The following LMO7 variants were observed in gnomAD, a reference collection of about 807,000 sequenced individuals.
LMO7 encodes the protein LIM domain 7.
In LMO7, 120 loss-of-function variants were observed where a neutral mutation model predicts 206.5. The observed-to-expected ratio is 0.58, with a 90% confidence interval of 0.50 to 0.68. LMO7 has a LOEUF of 0.68. LMO7 is among the 30% of genes least tolerant of loss of function. The pLI, the probability that LMO7 is intolerant of heterozygous loss-of-function variation, is 0.00. For missense variants in LMO7, 1,959 were observed against 1,957.9 expected, an observed-to-expected ratio of 1.00 and a Z score of -0.01; for synonymous variants, 706 against 681.5, an observed-to-expected ratio of 1.04 and a Z score of -0.56.
intron 1 of LMO7, among the ~76,000 whole-genome samples, chr13:75,641,821 AT>A (rs1336821392): frequency 1.0e-4 from 15 of 144,308 alleles, no homozygotes; most frequent in Non-Finnish European, 2.3e-4. Flanking sequence ...TAACTTTTGT[AT>A]TTCTTTTTTT....
chr13:75,620,805 T>C (rs868185341), exon 1 of LMO7: 1 of 152,192 alleles, frequency 6.6e-6, no homozygotes, highest in Non-Finnish European at 1.5e-5. Context: ...GGCTGCGTTA[T>C]GAAAATTGCT....
At chr13:75,620,740 AT>A in exon 1 of LMO7, 1 of 152,266 alleles carries the variant, frequency 6.6e-6, no homozygotes, top group East Asian at 1.9e-4. Flanking sequence ...AAGAAAAATA[AT>A]TTTCCAAATA....
intron 4 of LMO7, among the ~76,000 whole-genome samples, chr13:75,762,360 A>G (rs1355156083): frequency 6.6e-6 from 1 of 152,188 alleles, no homozygotes; most frequent in East Asian, 1.9e-4. Context: ...ATTTTTCCTT[A>G]TCAACATATT....
intron 1 of LMO7, among the ~76,000 whole-genome samples, chr13:75,696,707 T>C (rs1208906892): frequency 6.6e-6 from 1 of 152,138 alleles, no homozygotes; most frequent in Non-Finnish European, 1.5e-5. Flanking sequence ...TTCTACACAC[T>C]GAACCCTGAG....
chr13:75,816,090 C>G, intron 11 of LMO7, among the ~76,000 whole-genome samples: 1 of 152,122 alleles, frequency 6.6e-6, no homozygotes, highest in East Asian at 1.9e-4. Context: ...AGTCAAAGGA[C>G]GGACTGGTTC....
rs2054618489 is a variant in LMO7, at chr13:75,800,671, A to G, written c.463-13A>G. 1 of 1,611,922 alleles carries G rather than the reference A, an allele frequency of 6.2e-7. No homozygotes were observed. Among genetic ancestry groups the G allele is most frequent in the Non-Finnish European group, 8.5e-7 (1 of 1,178,602 alleles). Reference sequence around the variant, plus strand: ...TATTTAACTTACTATTCTTTAAAAAACGTTTTCTTTAGGCACTCGAAGACT... The same window carrying G: ...TATTTAACTTACTATTCTTTAAAAAGCGTTTTCTTTAGGCACTCGAAGACT... On this transcript the variant is annotated splice_polypyrimidine_tract_variant and intron_variant, in intron 6 of 30. Coordinates refer to ENST00000377534, the MANE Select transcript of LMO7 (RefSeq NM_001306080.2).
chr13:75,754,254 A>G (rs2047498439), intron 3 of LMO7, among the ~76,000 whole-genome samples: 3 of 152,192 alleles, frequency 2.0e-5, no homozygotes, highest in Admixed American at 6.5e-5. Flanking sequence ...TCCATTCTGG[A>G]TATTTTATAC....
intron 4 of LMO7, among the ~76,000 whole-genome samples, chr13:75,770,043 G>T (rs1175456221): frequency 3.3e-5 from 5 of 151,894 alleles, no homozygotes; most frequent in African/African-American, 9.7e-5. Flanking sequence ...TATAATAGGG[G>T]TATATTCACT....
chr13:75,656,015 G>A (rs866175593), intron 1 of LMO7, among the ~76,000 whole-genome samples: 16 of 152,202 alleles, frequency 1.1e-4, no homozygotes, highest in African/African-American at 3.9e-4. Context: ...CTGCTCCTAG[G>A]TTCCTTTGTT....
At position 75,793,514 on chromosome 13, in the gene LMO7, G is replaced by T. The variant is rs896169863; in HGVS notation, c.318-1887G>T. The stretch of plus-strand genomic sequence containing the variant: ...TGGTCTTGAACTCCTGACCTTAGGG[G>T]ATGCACCCTCCTCAGCCTCCCAAAG... On this transcript the variant is annotated intron_variant, in intron 4 of 30. Transcript: ENST00000377534. Among the ~76,000 whole-genome samples, 3 of 152,204 alleles carry T rather than the reference G, an allele frequency of 2.0e-5. No homozygotes were observed. In the South Asian group the frequency reaches 6.2e-4, roughly 32 times the overall value.
chr13:75,841,961 GT>G lies in LMO7; in HGVS notation c.4010del (p.Val1337AlafsTer53). On this transcript the variant is annotated frameshift_variant, in exon 24 of 31. Coordinates refer to ENST00000377534, the MANE Select transcript of LMO7 (RefSeq NM_001306080.2). LOFTEE classifies it high-confidence loss of function. ...GGCAGAGATAGAGCGGGAAACATCA[GT>G]CAGAATATACCAGTACAGGAGGTAT... ...RQAEIERETSVRIYQYRRPVD... is the reference protein window; with the variant it reads ...RQAEIERETSXRIYQYRRPVD... The G allele has an allele frequency of 6.2e-7, 1 of 1,611,868 alleles. No individual in the cohort carries two copies. Among genetic ancestry groups the G allele is most frequent in the Non-Finnish European group, 8.5e-7 (1 of 1,179,676 alleles).
chr13:75,657,007 G>T (rs2038119314), intron 1 of LMO7, among the ~76,000 whole-genome samples: 2 of 152,328 alleles, frequency 1.3e-5, no homozygotes, highest in South Asian at 4.1e-4. Flanking sequence ...GAGATTGTTA[G>T]GGTCGGCCAA....
intron 1 of LMO7, among the ~76,000 whole-genome samples, chr13:75,664,111 G>A (rs1019202655): frequency 9.9e-5 from 15 of 151,614 alleles, no homozygotes; most frequent in African/African-American, 2.2e-4. Context: ...ACCATTAACC[G>A]TCCCCACTTC....
intron 1 of LMO7, among the ~76,000 whole-genome samples, chr13:75,702,378 T>C (rs2042342245): frequency 6.6e-6 from 1 of 152,194 alleles, no homozygotes; most frequent in African/African-American, 2.4e-5. Context: ...GAGAAATGTT[T>C]AGACTTTTGA....
chr13:75,703,316 A>G (rs1045061101), intron 1 of LMO7, among the ~76,000 whole-genome samples: 5 of 152,222 alleles, frequency 3.3e-5, no homozygotes, highest in Admixed American at 1.3e-4. Flanking sequence ...GAAGTTGGGT[A>G]AGAGCCTCCT....
chr13:75,730,616 GTC>G (rs1403436639), intron 3 of LMO7, among the ~76,000 whole-genome samples: 1 of 146,640 alleles, frequency 6.8e-6, no homozygotes, highest in Non-Finnish European at 1.5e-5. Flanking sequence ...GGTTTTTTGT[GTC>G]TCTATTTCCT....
intron 1 of LMO7, among the ~76,000 whole-genome samples, chr13:75,689,990 C>T (rs2041328275): frequency 6.6e-6 from 1 of 152,072 alleles, no homozygotes; most frequent in South Asian, 2.1e-4. Flanking sequence ...ACTTATTCCT[C>T]TCACTTTGGC....
chr13:75,690,477 G>A (rs1024342131), intron 1 of LMO7, among the ~76,000 whole-genome samples: 2 of 152,142 alleles, frequency 1.3e-5, no homozygotes, highest in Non-Finnish European at 2.9e-5. Flanking sequence ...ATCTGTCTGA[G>A]TACTAGGTTT....
At chr13:75,762,231 A>C (rs534266271) in intron 4 of LMO7, among the ~76,000 whole-genome samples, 3 of 152,218 alleles carry the variant, frequency 2.0e-5, no homozygotes. Context: ...ATTTCTGACT[A>C]ATCGAAAGAT....
Sources: allele counts gnomAD v4.1 joint callset (sites outside exome capture counted in the v4.1 genomes callset), GRCh38; gene constraint gnomAD v4.1.1; transcripts MANE v1.5; gene names NCBI Gene and HGNC (gene_info 2026-07-23, HGNC 2026-07-21).